The following KDM4C variants were observed in gnomAD, a reference collection of about 807,000 sequenced individuals.
The protein encoded by KDM4C is lysine-specific demethylase 4C.
KDM4C carries 81 observed loss-of-function variants against 129.3 expected under a neutral mutation model. That is an observed-to-expected ratio of 0.63 (90% CI 0.52 to 0.75). The LOEUF is 0.75. KDM4C is among the 30% of genes least tolerant of loss of function. KDM4C has a pLI of 0.00. For missense variants in KDM4C, 1,457 were observed against 1,304.0 expected (o/e 1.12, Z -1.81); for synonymous variants, 573 against 456.1 (o/e 1.26, Z -3.26).
chr9:6,748,603 A>G, intron 1 of KDM4C: 2 of 665,888 alleles, frequency 3.0e-6, no homozygotes, highest in East Asian at 5.5e-5. Flanking sequence ...TAAAAACATA[A>G]GTGTAATCAA....
chr9:6,971,436 A>G (rs555523358), intron 8 of KDM4C, among the ~76,000 whole-genome samples: 1 of 152,340 alleles, frequency 6.6e-6, no homozygotes, highest in African/African-American at 2.4e-5. Flanking sequence ...TGGACTGATC[A>G]ATGAATCTCT....
In KDM4C at chr9:7,033,750, A is replaced by T. The variant is rs1481124468; in HGVS notation, c.2260-13112A>T. On this transcript the variant is annotated intron_variant, in intron 15 of 21. Transcript: ENST00000381309. Reference sequence around the variant, plus strand: ...TTCATAAATAGCTTCTTGATTGAGAACAAATGCCTCATTAATCTTTAGTGC... The same window carrying T: ...TTCATAAATAGCTTCTTGATTGAGATCAAATGCCTCATTAATCTTTAGTGC... 2.6e-5 allele frequency among the ~76,000 whole-genome samples: 4 copies of T among 152,352 alleles called. No individual in the cohort carries two copies. The East Asian group carries it at 7.7e-4, about 29-fold the overall frequency.
At chr9:6,903,859 A>G (rs1006575586) in intron 8 of KDM4C, among the ~76,000 whole-genome samples, 1 of 151,376 alleles carries the variant, frequency 6.6e-6, no homozygotes. Flanking sequence ...ATCAGCATAT[A>G]TCTGTATCTT....
chr9:6,934,744 G>C (rs1263949643), intron 8 of KDM4C, among the ~76,000 whole-genome samples: 1 of 152,090 alleles, frequency 6.6e-6, no homozygotes, highest in Non-Finnish European at 1.5e-5. Flanking sequence ...TTGCAGGCGT[G>C]AGCCACTGCG....
chr9:6,751,733 G>A (rs1158999895), intron 1 of KDM4C, among the ~76,000 whole-genome samples: 1 of 152,148 alleles, frequency 6.6e-6, no homozygotes, highest in Non-Finnish European at 1.5e-5. Context: ...GTTCACAATA[G>A]TCAGCTCAAG....
At chr9:7,088,004 T>A (rs1037245296) in intron 17 of KDM4C, among the ~76,000 whole-genome samples, 1 of 152,232 alleles carries the variant, frequency 6.6e-6, no homozygotes, top group African/African-American at 2.4e-5. Flanking sequence ...AGGTACTACT[T>A]ATCAAAAATA....
intron 17 of KDM4C, among the ~76,000 whole-genome samples, chr9:7,050,731 CTA>C (rs1465415442): frequency 6.6e-6 from 1 of 152,114 alleles, no homozygotes; most frequent in African/African-American, 2.4e-5. Context: ...CTCCACAGGC[CTA>C]TGTCTTGGCT....
At chr9:7,019,282 C>T (rs1406113171) in intron 15 of KDM4C, among the ~76,000 whole-genome samples, 1 of 152,142 alleles carries the variant, frequency 6.6e-6, no homozygotes, top group Non-Finnish European at 1.5e-5. Flanking sequence ...CTGACTTCTT[C>T]AGCAATCAAT....
chr9:6,795,888 T>G (rs1207887447), intron 2 of KDM4C, among the ~76,000 whole-genome samples: 1 of 151,970 alleles, frequency 6.6e-6, no homozygotes, highest in Non-Finnish European at 1.5e-5. Context: ...CCTAGGCTGG[T>G]CTCGAACACC....
intron 4 of KDM4C, among the ~76,000 whole-genome samples, chr9:6,824,778 T>G (rs1434392544): frequency 6.6e-6 from 1 of 152,084 alleles, no homozygotes. Flanking sequence ...GGTGACTGTA[T>G]TTCCCCAATT....
In KDM4C at chr9:6,896,962, C is replaced by T. The variant is rs116533372; in HGVS notation, c.921+3730C>T. On this transcript the variant is annotated intron_variant, in intron 8 of 21. Coordinates refer to ENST00000381309, the MANE Select transcript of KDM4C (RefSeq NM_015061.6). ...GACCTATTGATATGTGATAGTTGTTCAATAAATCTTCCTGGCTCTTAAGAT... is the reference window on the plus strand; with the variant it reads ...GACCTATTGATATGTGATAGTTGTTTAATAAATCTTCCTGGCTCTTAAGAT... Among the ~76,000 whole-genome samples the T allele has an allele frequency of 7.7e-3, 1,167 of 152,236 alleles. 17 individuals are homozygous for T. The highest frequency in any genetic ancestry group is 0.027 in the African/African-American group (1,119 of 41,538).
chr9:6,960,552 C>A (rs1225289223), intron 8 of KDM4C, among the ~76,000 whole-genome samples: 1 of 152,002 alleles, frequency 6.6e-6, no homozygotes, highest in African/African-American at 2.4e-5. Context: ...AGTCACTGTG[C>A]GTGGCCTATA....
chr9:6,972,471 AGCTGT>A (rs981887639), intron 8 of KDM4C, among the ~76,000 whole-genome samples: 82 of 152,266 alleles, frequency 5.4e-4, no homozygotes, highest in African/African-American at 1.9e-3. Flanking sequence ...AACACAGATG[AGCTGT>A]GCGTTGTTAA....
intron 12 of KDM4C, among the ~76,000 whole-genome samples, chr9:7,001,180 C>T (rs906484925): frequency 1.5e-4 from 23 of 152,124 alleles, no homozygotes; most frequent in African/African-American, 5.6e-4. Context: ...ATCTTTATAC[C>T]TGTCAAGTGA....
chr9:6,805,633 G>C lies in KDM4C; in HGVS notation c.179G>C (p.Cys60Ser). 6.2e-7 allele frequency: 1 copy of C among 1,613,928 alleles called. No homozygotes were observed. The highest frequency in any genetic ancestry group is 8.5e-7 in the Non-Finnish European group (1 of 1,179,936). The change falls in exon 3 of 22, where the codon TGC becomes TCC. Residue 60 changes from cysteine to serine, a missense_variant. Physicochemically the swap from Cys to Ser is moderately radical, Grantham distance 112. Transcript: ENST00000381309. The part of the protein sequence containing the change: ...IPPKEWKPRQ[C>S]YDDIDNLLIP... ...CCTAAGGAGTGGAAGCCAAGACAGT[G>C]CTATGATGACATTGATAATTTGCTC...
chr9:7,128,234 G>A lies in KDM4C; in HGVS notation c.2779G>A (p.Val927Met), dbSNP rs374244294. 1.6e-5 allele frequency: 25 copies of A among 1,575,700 alleles called. No homozygotes were observed. The highest frequency in any genetic ancestry group is 8.2e-5 in the African/African-American group (6 of 72,942). ...CAGAGACACATTTCCTGAGGATATC[G>A]TGGTAAGTAGGCTTCCTTGAGTGCC... is the stretch of plus-strand genomic sequence containing the variant. ...FSRDTFPEDI[V>M]SRDCLKLGPP... The change falls in exon 19 of 22, where the codon GTG (valine) becomes ATG (methionine). Residue 927 changes from valine (V) to methionine (M), a missense_variant and splice_region_variant. By Grantham distance (21) the Val-to-Met change is conservative. Transcript: ENST00000381309.
chr9:7,094,334 C>CT lies in KDM4C; in HGVS notation c.2425-9342dup, dbSNP rs567197289. On this transcript the variant is annotated intron_variant, in intron 17 of 21. Coordinates refer to ENST00000381309, the MANE Select transcript of KDM4C (RefSeq NM_015061.6). ...AAGTTGGGAAAGGTAAAAGGAATTT[C>CT]TTTTTTTTTATTTTATTTTATTATT... 2.3e-4 allele frequency among the ~76,000 whole-genome samples: 35 copies of CT among 151,596 alleles called. No homozygotes were observed. The East Asian group carries it at 6.4e-3, about 28-fold the overall frequency.
chr9:6,964,933 T>A (rs1188315636), intron 8 of KDM4C, among the ~76,000 whole-genome samples: 1 of 151,804 alleles, frequency 6.6e-6, no homozygotes, highest in Non-Finnish European at 1.5e-5. Flanking sequence ...CAGCCTGGGC[T>A]ACAGAGTGAG....
intron 12 of KDM4C, among the ~76,000 whole-genome samples, chr9:7,009,205 A>G (rs1333911498): frequency 1.3e-5 from 2 of 152,248 alleles, no homozygotes; most frequent in Non-Finnish European, 2.9e-5. Context: ...GCCATAAAAG[A>G]GAACCAAACA....
Sources: gnomAD v4.1 joint callset for allele counts (sites outside exome capture counted in the v4.1 genomes callset) on GRCh38, gnomAD v4.1.1 for gene constraint, MANE v1.5 for transcripts, NCBI Gene and HGNC (gene_info 2026-07-23, HGNC 2026-07-21) for gene names.